Variants in DAAM1 observed in about 807,000 individuals in gnomAD.
The protein encoded by DAAM1 is disheveled-associated activator of morphogenesis 1.
DAAM1 carries 52 observed loss-of-function variants against 130.0 expected under a neutral mutation model. The observed-to-expected ratio is 0.40, with a 90% CI of 0.32 to 0.50. The LOEUF is 0.50. Among genes scored for constraint, DAAM1 ranks in the 20% least tolerant of loss-of-function variants. DAAM1 has a pLI of 0.61. For missense variants in DAAM1, 1,134 were observed against 1,303.8 expected (o/e 0.87, Z 2.01); for synonymous variants, 452 against 444.5 (o/e 1.02, Z -0.21).
chr14:59,344,553 G>A lies in DAAM1; in HGVS notation c.2076-2986G>A, dbSNP rs558589738. ...ACCTATAGAACCATCCCTGAGGGCG[G>A]GGTACCTTTCTCCCCTTTCCCTTAA... On this transcript the variant is annotated intron_variant, in intron 16 of 24. Transcript: ENST00000360909. Among the ~76,000 whole-genome samples the A allele has an allele frequency of 3.9e-5, 6 of 152,252 alleles. No homozygotes were observed. In the East Asian group the frequency reaches 1.2e-3, roughly 29 times the overall value.
In DAAM1 at chr14:59,309,177, T is replaced by G. The variant is rs10140258; in HGVS notation, c.274-6103T>G. Among the ~76,000 whole-genome samples, 1,349 of 152,308 alleles carry G rather than the reference T, an allele frequency of 8.9e-3. 26 individuals are homozygous for G. Among genetic ancestry groups the G allele is most frequent in the African/African-American group, 0.031 (1,298 of 41,560 alleles). ...CCAAGTTTTAAATCTCCTACTACTTTTTTGCCCCCAAAAAGGAAGAGCCAG... is the reference window on the plus strand; with the variant it reads ...CCAAGTTTTAAATCTCCTACTACTTGTTTGCCCCCAAAAAGGAAGAGCCAG... On this transcript the variant is annotated intron_variant, in intron 3 of 24. Transcript: ENST00000360909.
At chr14:59,232,175 A>G (rs1415408833) in intron 1 of DAAM1, among the ~76,000 whole-genome samples, 1 of 152,172 alleles carries the variant, frequency 6.6e-6, no homozygotes, top group African/African-American at 2.4e-5. Flanking sequence ...AAGTCTGGTT[A>G]TAAACACCCA....
intron 16 of DAAM1, among the ~76,000 whole-genome samples, chr14:59,342,025 A>G (rs1885869219): frequency 6.6e-6 from 1 of 152,150 alleles, no homozygotes; most frequent in Non-Finnish European, 1.5e-5. Flanking sequence ...CAAATTTCCC[A>G]TTCTGTTATT....
At chr14:59,333,471 T>C (rs898540265) in intron 15 of DAAM1, among the ~76,000 whole-genome samples, 47 of 152,358 alleles carry the variant, frequency 3.1e-4, no homozygotes, top group African/African-American at 1.0e-3. Flanking sequence ...TCATTCCTGA[T>C]TGGCTGCAAC....
At chr14:59,216,330 G>A (rs1566652942) in intron 1 of DAAM1, among the ~76,000 whole-genome samples, 1 of 152,182 alleles carries the variant, frequency 6.6e-6, no homozygotes, top group Non-Finnish European at 1.5e-5. Flanking sequence ...TTGAGTGTGT[G>A]TGTGTGATAT....
intron 5 of DAAM1, among the ~76,000 whole-genome samples, chr14:59,321,235 A>G (rs373865523): frequency 9.8e-5 from 15 of 152,340 alleles, no homozygotes; most frequent in East Asian, 3.9e-4. Flanking sequence ...GTATGATTCT[A>G]TTTATAAGAA....
chr14:59,362,132 A>T (rs1156562445), intron 22 of DAAM1: 1 of 151,544 alleles, frequency 6.6e-6, no homozygotes, highest in African/African-American at 2.4e-5. Flanking sequence ...ATGGCCCTAA[A>T]GCCTGGCTCT....
At chr14:59,281,522 G>A (rs1221147951) in intron 2 of DAAM1, among the ~76,000 whole-genome samples, 1 of 151,828 alleles carries the variant, frequency 6.6e-6, no homozygotes, top group Non-Finnish European at 1.5e-5. Flanking sequence ...AGGTGCTGCT[G>A]TTGGAGGAGG....
chr14:59,327,398 G>GTTTGTTTT (rs1338982717), intron 12 of DAAM1, among the ~76,000 whole-genome samples: 2 of 72,772 alleles, frequency 2.7e-5, no homozygotes, highest in Admixed American at 1.6e-4. Context: ...AGGTCACTTG[G>GTTTGTTTT]TTTCTTTTTT....
At position 59,330,700 on chromosome 14, in the gene DAAM1, C is replaced by A. The variant is rs199875088; in HGVS notation, c.1560+12C>A. ...ATGAGCTCAGCAGGGTGAGGTCTTC[C>A]GCTCAGCTCACGGGCAGCTGCCAAG... is the stretch of plus-strand genomic sequence containing the variant. On this transcript the variant is annotated intron_variant, in intron 13 of 24. Coordinates refer to ENST00000360909, the MANE Select transcript of DAAM1 (RefSeq NM_001270520.2). 1.3e-6 allele frequency: 2 copies of A among 1,595,948 alleles called. No individual in the cohort carries two copies. The highest frequency in any genetic ancestry group is 1.8e-5 in the Admixed American group (1 of 56,820).
At chr14:59,193,121 T>G (rs1378282294) in intron 1 of DAAM1, among the ~76,000 whole-genome samples, 1 of 152,242 alleles carries the variant, frequency 6.6e-6, no homozygotes, top group African/African-American at 2.4e-5. Flanking sequence ...ACAGGTACTA[T>G]TTAAGAAACT....
At chr14:59,314,787 A>G (rs1026893536) in intron 3 of DAAM1, among the ~76,000 whole-genome samples, 4 of 152,224 alleles carry the variant, frequency 2.6e-5, no homozygotes, top group Admixed American at 2.6e-4. Flanking sequence ...CATCTGAAGC[A>G]GTACTTAATT....
chr14:59,331,061 G>T, intron 13 of DAAM1, 148 bp from the exon 14 acceptor site: 2 of 1,370,410 alleles, frequency 1.5e-6, no homozygotes, highest in Non-Finnish European at 1.9e-6. Context: ...GCCCAAAAGA[G>T]TCCATTCGAC....
chr14:59,230,058 T>C (rs551151211), intron 1 of DAAM1, among the ~76,000 whole-genome samples: 2 of 152,208 alleles, frequency 1.3e-5, no homozygotes, highest in Non-Finnish European at 2.9e-5. Context: ...CTCTTACCCT[T>C]GCAAATTGAA....
intron 17 of DAAM1, among the ~76,000 whole-genome samples, chr14:59,351,532 C>T (rs1886292628): frequency 6.6e-6 from 1 of 152,150 alleles, no homozygotes; most frequent in Non-Finnish European, 1.5e-5. Flanking sequence ...CCGTTCCAGA[C>T]CCCGGCACAT....
chr14:59,308,789 T>C (rs1012013493), intron 3 of DAAM1, among the ~76,000 whole-genome samples: 1 of 152,224 alleles, frequency 6.6e-6, no homozygotes, highest in Non-Finnish European at 1.5e-5. Flanking sequence ...GAGCCACTGT[T>C]ATTGCAAGTC....
chr14:59,255,450 A>T (rs1480564294), intron 1 of DAAM1, among the ~76,000 whole-genome samples: 1 of 152,180 alleles, frequency 6.6e-6, no homozygotes, highest in African/African-American at 2.4e-5. Flanking sequence ...GAAACCAGAC[A>T]TGAGGAATGT....
chr14:59,264,374 G>A (rs920796906), intron 2 of DAAM1: 1 of 152,216 alleles, frequency 6.6e-6, no homozygotes, highest in African/African-American at 2.4e-5. Context: ...GTTTAAAGGG[G>A]TGCTAGCATA....
At chr14:59,325,116 C>G (rs2139622991) in intron 8 of DAAM1, among the ~76,000 whole-genome samples, 1 of 152,288 alleles carries the variant, frequency 6.6e-6, no homozygotes, top group East Asian at 1.9e-4. Context: ...ATTGTTGGTT[C>G]CCTAGTTCCC....
Sources: gnomAD v4.1 joint callset for allele counts (sites outside exome capture counted in the v4.1 genomes callset) on GRCh38, gnomAD v4.1.1 for gene constraint, MANE v1.5 for transcripts, NCBI Gene and HGNC (gene_info 2026-07-23, HGNC 2026-07-21) for gene names.